COX16: variants seen among roughly 807,000 people sequenced by gnomAD.
COX16 encodes the protein cytochrome c oxidase assembly protein COX16 homolog, mitochondrial.
In COX16, 12 loss-of-function variants were observed where a neutral mutation model predicts 15.4. The observed-to-expected ratio is 0.78, with a 90% CI of 0.50 to 1.26. COX16 has a LOEUF of 1.26. COX16 is among the 50% of genes most tolerant of loss of function. The pLI is 0.00. For synonymous variants in COX16, 46 were observed against 41.1 expected, an observed-to-expected ratio of 1.12 and a Z score of -0.46; for missense variants, 124 against 127.6, an observed-to-expected ratio of 0.97 and a Z score of 0.14.
intron 3 of COX16, among the ~76,000 whole-genome samples, chr14:70,328,464 CAA>C (rs761333467): frequency 6.6e-6 from 1 of 152,076 alleles, no homozygotes; most frequent in East Asian, 1.9e-4. Flanking sequence ...ATGACAAACT[CAA>C]AGACATGAAG....
intron 3 of COX16, among the ~76,000 whole-genome samples, chr14:70,327,724 G>A (rs1272094581): frequency 6.6e-6 from 1 of 152,110 alleles, no homozygotes; most frequent in Non-Finnish European, 1.5e-5. Context: ...CAGAACTGAA[G>A]AAAATTCTTA....
chr14:70,342,458 A>G (rs1475607386), intron 2 of COX16, among the ~76,000 whole-genome samples, 200 bp downstream of exon 2: 1 of 152,292 alleles, frequency 6.6e-6, no homozygotes, highest in Admixed American at 6.5e-5. Flanking sequence ...AGAAAAAAAG[A>G]AAGATTACGA....
At chr14:70,326,564 T>TTACAACTGTAGCAAATAAATCAACTACAA in intron 3 of COX16, 115 bp from the exon 4 acceptor site, 1 of 636,250 alleles carries the variant, frequency 1.6e-6, no homozygotes, top group Non-Finnish European at 2.3e-6. Flanking sequence ...AGGTCCTCGA[T>TTACAACTGTAGCAAATAAATCAACTACAA]TACAACTGTA....
chr14:70,356,543 G>A (rs1887131296), intron 1 of COX16, among the ~76,000 whole-genome samples: 1 of 152,158 alleles, frequency 6.6e-6, no homozygotes. Context: ...AGGCTATGGA[G>A]AGATGCTAAC....
chr14:70,359,417 G>T, intron 1 of COX16, 102 bp downstream of exon 1: 3 of 1,063,220 alleles, frequency 2.8e-6, no homozygotes, highest in Non-Finnish European at 4.4e-6. Flanking sequence ...TAGCCCGAGT[G>T]CCAGCCCTTA....
chr14:70,333,314 TTAAA>T (rs760078198), intron 2 of COX16, among the ~76,000 whole-genome samples: 3 of 152,176 alleles, frequency 2.0e-5, no homozygotes, highest in Non-Finnish European at 2.9e-5. Context: ...TTCAAGGAAG[TTAAA>T]TAAACTTCAA....
At chr14:70,341,926 CTTTA>C (rs1042108885) in intron 2 of COX16, among the ~76,000 whole-genome samples, 4 of 151,990 alleles carry the variant, frequency 2.6e-5, no homozygotes, top group East Asian at 1.9e-4. Flanking sequence ...ATGTAGCTGT[CTTTA>C]TTTATACTGA....
At chr14:70,326,621 T>TAGAACTTTTCATTTGTTAC (rs1315627441) in intron 3 of COX16, among the ~76,000 whole-genome samples, 172 bp from the exon 4 acceptor site, 3 of 152,000 alleles carry the variant, frequency 2.0e-5, no homozygotes, top group Non-Finnish European at 4.4e-5. Flanking sequence ...TCTTAAGATT[T>TAGAACTTTTCATTTGTTAC]AGAACTTTTC....
chr14:70,329,316 A>C (rs1886203086), intron 2 of COX16, 80 bp from the exon 3 acceptor site: 2 of 1,314,046 alleles, frequency 1.5e-6, no homozygotes, highest in East Asian at 2.5e-5. Context: ...TATAGAAGAG[A>C]TGGCTGAAAT....
chr14:70,328,243 A>C (rs1013384774), intron 3 of COX16: 3 of 53,556 alleles, frequency 5.6e-5, no homozygotes, highest in African/African-American at 2.7e-4. Flanking sequence ...ACAAGGGAGA[A>C]GGGCCAAGGA....
intron 2 of COX16, among the ~76,000 whole-genome samples, chr14:70,336,918 A>G (rs118128659): frequency 1.3e-5 from 2 of 152,380 alleles, no homozygotes; most frequent in East Asian, 3.9e-4. Flanking sequence ...CAACCAAAAA[A>G]TGCTATTACT....
intron 3 of COX16, among the ~76,000 whole-genome samples, chr14:70,328,496 A>G (rs1295165590): frequency 6.6e-6 from 1 of 152,170 alleles, no homozygotes; most frequent in Non-Finnish European, 1.5e-5. Flanking sequence ...ACCACATCCC[A>G]TAATATAGCG....
At chr14:70,336,073 A>T (rs1334541363) in intron 2 of COX16, among the ~76,000 whole-genome samples, 1 of 152,030 alleles carries the variant, frequency 6.6e-6, no homozygotes, top group Non-Finnish European at 1.5e-5. Context: ...TGGCTAACAC[A>T]GTGAAACCCT....
At chr14:70,331,401 C>T (rs558094517) in intron 2 of COX16, among the ~76,000 whole-genome samples, 1 of 151,564 alleles carries the variant, frequency 6.6e-6, no homozygotes, top group African/African-American at 2.4e-5. Flanking sequence ...AAAAAGACTC[C>T]TAAAAAATAG....
chr14:70,328,891 T>G (rs1886182729), intron 3 of COX16, among the ~76,000 whole-genome samples: 1 of 152,108 alleles, frequency 6.6e-6, no homozygotes, highest in Non-Finnish European at 1.5e-5. Context: ...CACATTTAAA[T>G]AGGCTTTTTT....
intron 1 of COX16, among the ~76,000 whole-genome samples, chr14:70,352,273 G>A (rs1314293262): frequency 3.3e-5 from 5 of 152,002 alleles, no homozygotes; most frequent in African/African-American, 7.2e-5. Context: ...TGCAACCTCC[G>A]CTTCCCAGGT....
chr14:70,339,026 A>T (rs1370095694), intron 2 of COX16, among the ~76,000 whole-genome samples: 1 of 152,222 alleles, frequency 6.6e-6, no homozygotes, highest in African/African-American at 2.4e-5. Flanking sequence ...CTGATATTAT[A>T]ATTGTTCTCA....
At chr14:70,329,927 T>G (rs1446317044) in intron 2 of COX16, among the ~76,000 whole-genome samples, 1 of 151,398 alleles carries the variant, frequency 6.6e-6, no homozygotes, top group African/African-American at 2.4e-5. Flanking sequence ...CATGAAGAGA[T>G]AAAAATGAGA....
chr14:70,359,493 C>A (rs985361939), intron 1 of COX16, 26 bp downstream of exon 1: 2 of 1,603,288 alleles, frequency 1.2e-6, no homozygotes, highest in African/African-American at 1.3e-5. Flanking sequence ...CCACCCCTTG[C>A]GGAAGATCCT....
Sources: gnomAD v4.1 joint callset for allele counts (sites outside exome capture counted in the v4.1 genomes callset) on GRCh38, gnomAD v4.1.1 for gene constraint, MANE v1.5 for transcripts, NCBI Gene and HGNC (gene_info 2026-07-23, HGNC 2026-07-21) for gene names.